Variants in HNRNPUL1 observed in about 807,000 individuals in gnomAD.
HNRNPUL1 encodes the protein heterogeneous nuclear ribonucleoprotein U-like protein 1.
A neutral mutation model predicts 108.5 loss-of-function variants in HNRNPUL1; 14 were observed. The ratio of observed to expected loss-of-function variants is 0.13; its 90% CI spans 0.09 to 0.20. HNRNPUL1 has a LOEUF of 0.20. Among genes scored for constraint, HNRNPUL1 ranks in the 10% least tolerant of loss-of-function variants. HNRNPUL1 has a pLI of 1.00. For missense variants in HNRNPUL1, 804 were observed against 1,168.3 expected (o/e 0.69, Z 4.55); for synonymous variants, 422 against 445.2 (o/e 0.95, Z 0.66).
intron 6 of HNRNPUL1, chr19:41,280,927 T>G (rs1156909182): frequency 2.1e-6 from 1 of 481,254 alleles, no homozygotes; most frequent in Non-Finnish European, 3.8e-6. Context: ...CTGTGCAGAG[T>G]TATTCAGTTG....
chr19:41,276,033 G>T, intron 4 of HNRNPUL1, 126 bp from the exon 5 acceptor site: 3 of 1,157,834 alleles, frequency 2.6e-6, no homozygotes, highest in South Asian at 2.5e-5. Flanking sequence ...AACCCGGGAG[G>T]CGGAGGTTGC....
intron 7 of HNRNPUL1, among the ~76,000 whole-genome samples, chr19:41,282,559 C>T (rs1176321013): frequency 1.3e-5 from 2 of 152,230 alleles, no homozygotes; most frequent in Admixed American, 6.5e-5. Flanking sequence ...AGGGCCTTAT[C>T]CAGATTCTAA....
In HNRNPUL1 at chr19:41,274,049, G is replaced by T; in HGVS notation, c.640G>T (p.Asp214Tyr). ...DDFDDTLVAI[D>Y]TYNCDLHFKV... Reference sequence around the variant, plus strand: ...CTTTGATGATACCCTTGTTGCTATTGACACCTGTAAGTCTTTGGAGTGTGC... The same window carrying T: ...CTTTGATGATACCCTTGTTGCTATTTACACCTGTAAGTCTTTGGAGTGTGC... The change falls in exon 4 of 15, where the codon GAC (aspartate) becomes TAC (tyrosine). Residue 214 changes from aspartate (D) to tyrosine (Y), a missense_variant. Asp to Tyr is a radical substitution (Grantham distance 160). This residue lies in a region of HNRNPUL1 where 174 missense variants were observed against 296.6 expected (regional missense o/e 0.59). Coordinates refer to ENST00000392006, the MANE Select transcript of HNRNPUL1 (RefSeq NM_007040.6). 6.2e-7 allele frequency: 1 copy of T among 1,613,722 alleles called. No homozygotes were observed. Among genetic ancestry groups the T allele is most frequent in the South Asian group, 1.1e-5 (1 of 91,068 alleles).
At position 41,265,584 on chromosome 19, in the gene HNRNPUL1, C is replaced by T. The variant is rs923584725; in HGVS notation, c.295+786C>T. Among the ~76,000 whole-genome samples the T allele has an allele frequency of 5.3e-5, 8 of 152,100 alleles. No individual in the cohort carries two copies. The East Asian group carries it at 1.2e-3, about 22-fold the overall frequency. ...TGGCTTCTAGAAGAGGTATAGGGAG[C>T]CCTGGTGTCCAGAGGCTGGCGGGGG... On this transcript the variant is annotated intron_variant, in intron 1 of 14. Coordinates refer to ENST00000392006, the MANE Select transcript of HNRNPUL1 (RefSeq NM_007040.6).
rs892494856 is a variant in HNRNPUL1, at chr19:41,305,837, C to T, written c.2424C>T (p.Tyr808=). The change falls in exon 14 of 15, where the codon TAC becomes TAT. Residue 808 remains tyrosine, a synonymous_variant. Transcript: ENST00000392006. ...CGCCACCCCCCACTGCACAGACCTA[C>T]CCTCAGCCCAGCTATAACCAGTATC... The part of the protein sequence containing the change: ...TPPPPPTAQT[Y]PQPSYNQYQQ... The T allele has an allele frequency of 8.2e-6, 13 of 1,577,678 alleles. No individual in the cohort carries two copies. In the African/African-American group the frequency reaches 1.5e-4, roughly 18 times the overall value.
At chr19:41,298,764 C>T (rs1469308959) in intron 10 of HNRNPUL1, 1 of 152,270 alleles carries the variant, frequency 6.6e-6, no homozygotes, top group Non-Finnish European at 1.5e-5. Context: ...CCATTCCTCT[C>T]ATCCCATGAA....
At chr19:41,265,403 T>G in intron 1 of HNRNPUL1, 1 of 1,496,258 alleles carries the variant, frequency 6.7e-7, no homozygotes, top group Non-Finnish European at 8.9e-7. Context: ...AGGGTCCTAA[T>G]GGACTCAGTG....
intron 7 of HNRNPUL1, among the ~76,000 whole-genome samples, chr19:41,291,278 G>T (rs1394732183): frequency 6.6e-6 from 1 of 152,144 alleles, no homozygotes; most frequent in African/African-American, 2.4e-5. Flanking sequence ...ACTGAATTAT[G>T]ATAGAGTGTC....
rs747304979 is a variant in HNRNPUL1, at chr19:41,302,872, G to A, written c.1895G>A (p.Arg632Gln). The A allele has an allele frequency of 6.4e-6, 10 of 1,565,334 alleles. No individual in the cohort carries two copies. In the Admixed American group the frequency reaches 7.4e-5, roughly 12 times the overall value. ...GGTGGCTTCCAGCGCTATGAAAACC[G>A]AGGACCCCCTGGAGGCAACCGTGGC... ...GGGGFQRYEN[R>Q]GPPGGNRGGF... is the part of the protein sequence containing the mutation. Residue 632 changes from arginine to glutamine, a missense_variant, in exon 12 of 15, where the codon CGA becomes CAA. By Grantham distance (43) the Arg-to-Gln change is conservative. Transcript: ENST00000392006.
At chr19:41,273,340 C>T (rs115228181) in intron 3 of HNRNPUL1, among the ~76,000 whole-genome samples, 86 of 152,360 alleles carry the variant, frequency 5.6e-4, no homozygotes, top group African/African-American at 1.7e-3. Context: ...CAGTGCACTG[C>T]GACCACCCAG....
Position 41,264,538 on chromosome 19 carries a change from G to T in HNRNPUL1, c.35G>T (p.Arg12Leu). The change falls in exon 1 of 15, where the codon CGC becomes CTC. Residue 12 changes from arginine (R) to leucine (L), a missense_variant. Physicochemically the swap from Arg to Leu is moderately radical, Grantham distance 102. Coordinates refer to ENST00000392006, the MANE Select transcript of HNRNPUL1 (RefSeq NM_007040.6). The part of the protein sequence containing the change: ...DVRRLKVNEL[R>L]EELQRRGLDT... ...CGCCGTCTGAAGGTGAACGAACTTC[G>T]CGAGGAGCTGCAGCGCCGCGGCCTG... 6.7e-7 allele frequency: 1 copy of T among 1,485,396 alleles called. No individual in the cohort carries two copies. Among genetic ancestry groups the T allele is most frequent in the Non-Finnish European group, 8.9e-7 (1 of 1,119,676 alleles). The allele number at this position is 1,485,396 out of a possible 1,614,324, so 92.0% of individuals were successfully genotyped here.
chr19:41,286,114 TAAAC>T (rs2036209340), intron 7 of HNRNPUL1, among the ~76,000 whole-genome samples: 1 of 151,030 alleles, frequency 6.6e-6, no homozygotes, highest in Non-Finnish European at 1.5e-5. Flanking sequence ...ACTGATAACA[TAAAC>T]AGTCAATTAA....
chr19:41,296,262 T>A (rs1190631175), intron 10 of HNRNPUL1, among the ~76,000 whole-genome samples: 1 of 152,218 alleles, frequency 6.6e-6, no homozygotes, highest in African/African-American at 2.4e-5. Flanking sequence ...GGGTTTTCTC[T>A]GGAAGCCAGG....
At chr19:41,265,374 C>G (rs1454714207) in intron 1 of HNRNPUL1, 1 of 1,519,770 alleles carries the variant, frequency 6.6e-7, no homozygotes, top group African/African-American at 1.4e-5. Flanking sequence ...GGTGGAGGCG[C>G]TGGTGTCTGT....
At chr19:41,302,491 T>C (rs1313382396) in intron 11 of HNRNPUL1, 174 bp from the exon 12 acceptor site, 1 of 804,360 alleles carries the variant, frequency 1.2e-6, no homozygotes, top group Non-Finnish European at 2.1e-6. Flanking sequence ...AGTGCTGGGA[T>C]TACAGGCGTG....
intron 10 of HNRNPUL1, among the ~76,000 whole-genome samples, chr19:41,297,467 G>A (rs2036958549): frequency 6.6e-6 from 1 of 152,196 alleles, no homozygotes; most frequent in Admixed American, 6.5e-5. Context: ...TGGAGTAGAA[G>A]GCCACATTGC....
At chr19:41,279,361 T>G (rs1422702591) in intron 6 of HNRNPUL1, among the ~76,000 whole-genome samples, 185 bp downstream of exon 6, 1 of 152,226 alleles carries the variant, frequency 6.6e-6, no homozygotes, top group African/African-American at 2.4e-5. Context: ...GAGAGGACTA[T>G]GGTCATGAAA....
At chr19:41,274,530 C>T (rs571363029) in intron 4 of HNRNPUL1, among the ~76,000 whole-genome samples, 5 of 152,286 alleles carry the variant, frequency 3.3e-5, no homozygotes, top group African/African-American at 1.2e-4. Flanking sequence ...TAACCTGGCC[C>T]GCCCTGCTGT....
At chr19:41,277,679 G>C (rs945105331) in intron 5 of HNRNPUL1, among the ~76,000 whole-genome samples, 2 of 151,890 alleles carry the variant, frequency 1.3e-5, no homozygotes, top group African/African-American at 4.8e-5. Flanking sequence ...GCTAATTTTT[G>C]TATTTTTAGT....
Sources: allele counts gnomAD v4.1 joint callset (sites outside exome capture counted in the v4.1 genomes callset), GRCh38; gene constraint gnomAD v4.1.1; regional missense constraint gnomAD v4.1.1; transcripts MANE v1.5; gene names NCBI Gene and HGNC (gene_info 2026-07-23, HGNC 2026-07-21).